The following FAM118B variants were observed in gnomAD, a reference collection of about 807,000 sequenced individuals.
FAM118B encodes protein FAM118B.
Under a neutral mutation model 38.5 loss-of-function variants are expected in FAM118B, and 24 were observed. The ratio of observed to expected loss-of-function variants is 0.62; its 90% CI spans 0.45 to 0.88. The LOEUF (loss-of-function observed/expected upper bound fraction) is 0.88, where lower values mean the gene tolerates loss of function less well. Ranked by LOEUF, FAM118B falls within the 40% of genes least tolerant of loss-of-function variation. The probability of loss-of-function intolerance (pLI) is 0.00; values close to 1 mark genes in which losing one functional copy is unlikely to be tolerated. For synonymous variants in FAM118B, 138 were observed against 156.3 expected (o/e 0.88, Z 0.87); for missense variants, 334 against 420.0 (o/e 0.80, Z 1.79).
Position 126,211,801 on chromosome 11 carries a change from G to T in FAM118B, c.-106G>T. 1.4e-6 allele frequency: 1 copy of T among 729,844 alleles called. No individual in the cohort carries two copies. Among genetic ancestry groups the T allele is most frequent in the Admixed American group, 2.9e-5 (1 of 34,412 alleles). The allele number at this position is 729,844 out of a possible 1,614,324, so 45.2% of individuals were successfully genotyped here. A position where few individuals can be genotyped will look rare whatever the true frequency, so the allele number is the denominator to read the frequency against. Reference sequence around the variant, plus strand: ...GCGGCTGCGCCGGCCGGTAGCTGCAGCTGGAGCAGTGGCGTTTGGAGGAGA... The same window carrying T: ...GCGGCTGCGCCGGCCGGTAGCTGCATCTGGAGCAGTGGCGTTTGGAGGAGA... On this transcript the variant is annotated 5_prime_UTR_variant, in exon 1 of 9. Transcript: ENST00000533050.
rs767530540 is a variant in FAM118B, at chr11:126,250,633, G to A, written c.467G>A (p.Gly156Glu). The A allele has an allele frequency of 6.2e-7, 1 of 1,614,132 alleles. No individual in the cohort carries two copies. The highest frequency in any genetic ancestry group is 8.5e-7 in the Non-Finnish European group (1 of 1,180,002). The change falls in exon 5 of 9, where the codon GGA (glycine) becomes GAA (glutamate). Residue 156 changes from glycine to glutamate, a missense_variant. This residue lies in a region of FAM118B where 240 missense variants were observed against 295.9 expected (regional missense o/e 0.81). Transcript: ENST00000533050. The surrounding 1 kb of genome is among the most constrained non-coding windows in gnomAD (Gnocchi z 5.1). ...TCAGTTCTCCACCTGATGGAAAATG[G>A]AGCCCTCGTATTAACTACAAATTTT... ...LQSVLHLMENGALVLTTNFDN... is the reference protein window; with the variant it reads ...LQSVLHLMENEALVLTTNFDN...
intron 1 of FAM118B, among the ~76,000 whole-genome samples, chr11:126,227,437 G>A (rs745742972): frequency 7.9e-5 from 12 of 152,000 alleles, no homozygotes; most frequent in African/African-American, 1.2e-4. Flanking sequence ...CCTATGATGG[G>A]TTTTTATTCA....
rs1042150849 is a variant in FAM118B at position 126,262,327 on chromosome 11, G to A, written c.*194G>A. On this transcript the variant is annotated 3_prime_UTR_variant, in exon 9 of 9. Transcript: ENST00000533050. ...ACCACCTGGTTCTTGATATTCTGCC[G>A]CCTGTTCAAGTTCAAGAATAAAAGC... is the stretch of plus-strand genomic sequence containing the variant. 2.2e-5 allele frequency: 13 copies of A among 590,368 alleles called. No individual in the cohort carries two copies. The highest frequency in any genetic ancestry group is 1.6e-4 in the Admixed American group (5 of 32,188). 36.6% of individuals were successfully genotyped at this position (590,368 alleles called of 1,614,324 possible). A position where few individuals can be genotyped will look rare whatever the true frequency, so the allele number is the denominator to read the frequency against.
intron 3 of FAM118B, among the ~76,000 whole-genome samples, chr11:126,238,483 A>T (rs1336022308): frequency 1.3e-5 from 2 of 152,170 alleles, no homozygotes; most frequent in African/African-American, 4.8e-5. Flanking sequence ...CTCATTTCCT[A>T]ACTGGATGGG....
Position 126,262,253 on chromosome 11 carries a change from T to G in FAM118B, c.*120T>G. 1 of 1,111,314 alleles carries G rather than the reference T, an allele frequency of 9.0e-7. No individual in the cohort carries two copies. The highest frequency in any genetic ancestry group is 1.4e-6 in the Non-Finnish European group (1 of 736,252). 68.8% of individuals were successfully genotyped at this position (1,111,314 alleles called of 1,614,324 possible). A position where few individuals can be genotyped will look rare whatever the true frequency, so the allele number is the denominator to read the frequency against. The stretch of plus-strand genomic sequence containing the variant: ...CCCAGAAAGTAACAATAGCCAGAGG[T>G]TGAAGGGCGGGGTAGAAGAGGGGGG... On this transcript the variant is annotated 3_prime_UTR_variant, in exon 9 of 9. Coordinates refer to ENST00000533050, the MANE Select transcript of FAM118B (RefSeq NM_024556.4).
chr11:126,219,462 C>T, intron 1 of FAM118B, among the ~76,000 whole-genome samples: 1 of 145,128 alleles, frequency 6.9e-6, no homozygotes, highest in East Asian at 2.0e-4. Flanking sequence ...CTCCTGGGTT[C>T]AAGCAATCCT....
At chr11:126,219,264 A>G (rs1448150360) in intron 1 of FAM118B, among the ~76,000 whole-genome samples, 1 of 150,924 alleles carries the variant, frequency 6.6e-6, no homozygotes, top group Non-Finnish European at 1.5e-5. Flanking sequence ...CATGGAATGC[A>G]GCACAGGAAT....
At chr11:126,218,151 C>T (rs1950005122) in intron 1 of FAM118B, among the ~76,000 whole-genome samples, 1 of 152,042 alleles carries the variant, frequency 6.6e-6, no homozygotes, top group Admixed American at 6.6e-5. Context: ...TCTTTGATAC[C>T]TTTTTGTAAT....
At chr11:126,222,278 T>C (rs1950073760) in intron 1 of FAM118B, among the ~76,000 whole-genome samples, 1 of 152,218 alleles carries the variant, frequency 6.6e-6, no homozygotes, top group Admixed American at 6.5e-5. Context: ...ATGTAGTGTT[T>C]GGTGGAGGAG....
At chr11:126,247,889 A>ATATATAGATATACGTATATC (rs1950439367) in intron 4 of FAM118B, among the ~76,000 whole-genome samples, 1 of 146,614 alleles carries the variant, frequency 6.8e-6, no homozygotes, top group African/African-American at 2.5e-5. Context: ...ATCTATATAT[A>ATATATAGATATACGTATATC]TATATAGATA....
At chr11:126,214,524 T>TTTTTTTTCCTC (rs1949953950) in intron 1 of FAM118B, 1 of 137,216 alleles carries the variant, frequency 7.3e-6, no homozygotes, top group African/African-American at 2.7e-5. Flanking sequence ...GTTTTTTTTT[T>TTTTTTTTCCTC]TTTACCTCTA....
chr11:126,219,290 G>T (rs1468635413), intron 1 of FAM118B, among the ~76,000 whole-genome samples: 2 of 143,316 alleles, frequency 1.4e-5, no homozygotes, highest in African/African-American at 2.6e-5. Context: ...ATAAGGAAAA[G>T]CACAGATTTC....
chr11:126,254,030 G>T (rs1182372199), intron 5 of FAM118B, among the ~76,000 whole-genome samples: 1 of 152,188 alleles, frequency 6.6e-6, no homozygotes, highest in Non-Finnish European at 1.5e-5. Flanking sequence ...TGCCACCAGT[G>T]CAAAGGGTCC....
intron 2 of FAM118B, chr11:126,233,592 C>A (rs1343648690): frequency 1.8e-5 from 7 of 380,144 alleles, no homozygotes; most frequent in Non-Finnish European, 3.1e-5. Context: ...CCAGCTTTCT[C>A]ACCAACAGAA....
intron 5 of FAM118B, among the ~76,000 whole-genome samples, chr11:126,251,550 C>G (rs999813436): frequency 6.6e-6 from 1 of 152,136 alleles, no homozygotes; most frequent in Non-Finnish European, 1.5e-5. Flanking sequence ...TTCTCTGGTC[C>G]AAGTGTCTTC....
At chr11:126,239,137 T>C (rs1442906425) in intron 3 of FAM118B, among the ~76,000 whole-genome samples, 1 of 151,904 alleles carries the variant, frequency 6.6e-6, no homozygotes, top group African/African-American at 2.4e-5. Context: ...AATTTTCTTT[T>C]TCGTTCTTTC....
At position 126,214,516 on chromosome 11, in the gene FAM118B, T is replaced by TTG. The variant is rs1555048622; in HGVS notation, c.-77+2687_-77+2688insGT. On this transcript the variant is annotated intron_variant, in intron 1 of 8. Coordinates refer to ENST00000533050, the MANE Select transcript of FAM118B (RefSeq NM_024556.4). Reference sequence around the variant, plus strand: ...TTTTTTTTTTTTGTTTTTTTTTTGTTTTTTTTTTTTTACCTCTATATTGCC... The same window carrying TTG: ...TTTTTTTTTTTTGTTTTTTTTTTGTTTGTTTTTTTTTTTACCTCTATATTGCC... 4.9e-3 allele frequency: 457 copies of TTG among 92,518 alleles called. 8 individuals carry two copies. Among genetic ancestry groups the TTG allele is most frequent in the African/African-American group, 0.016 (419 of 26,578 alleles). 5.7% of individuals were successfully genotyped at this position (92,518 alleles called of 1,614,324 possible). A position where few individuals can be genotyped will look rare whatever the true frequency, so the allele number is the denominator to read the frequency against.
intron 1 of FAM118B, among the ~76,000 whole-genome samples, chr11:126,218,762 G>T (rs887283454): frequency 6.6e-6 from 1 of 152,192 alleles, no homozygotes; most frequent in African/African-American, 2.4e-5. Flanking sequence ...GATTTTGTGT[G>T]TATGTTTGTA....
intron 2 of FAM118B, among the ~76,000 whole-genome samples, chr11:126,233,925 T>C (rs914370730): frequency 6.6e-6 from 1 of 151,986 alleles, no homozygotes; most frequent in Non-Finnish European, 1.5e-5. Flanking sequence ...CTACAAACAG[T>C]ACAAAATTCC....
Sources: gnomAD v4.1 joint callset for allele counts (sites outside exome capture counted in the v4.1 genomes callset) on GRCh38, gnomAD v4.1.1 for gene constraint, gnomAD v4.1.1 regional missense constraint, Gnocchi (gnomAD v3.1) non-coding constraint, MANE v1.5 for transcripts, NCBI Gene and HGNC (gene_info 2026-07-23, HGNC 2026-07-21) for gene names.